ITGA2: variants seen among roughly 807,000 people sequenced by gnomAD.
The protein encoded by ITGA2 is integrin subunit alpha 2, also known as integrin alpha-2.
Under a neutral mutation model 146.3 loss-of-function variants are expected in ITGA2, and 101 were observed. The observed-to-expected ratio is 0.69, with a 90% CI of 0.59 to 0.81. The LOEUF is 0.81. Ranked by LOEUF, ITGA2 falls within the 40% of genes least tolerant of loss-of-function variation. The probability of loss-of-function intolerance (pLI) is 0.00; values close to 1 mark genes in which losing one functional copy is unlikely to be tolerated. For synonymous variants in ITGA2, 477 were observed against 487.1 expected, an observed-to-expected ratio of 0.98 and a Z score of 0.27; for missense variants, 1,281 against 1,402.7, an observed-to-expected ratio of 0.91 and a Z score of 1.39.
intron 1 of ITGA2, among the ~76,000 whole-genome samples, chr5:52,999,301 A>G (rs926131225): frequency 6.6e-6 from 1 of 152,248 alleles, no homozygotes; most frequent in Non-Finnish European, 1.5e-5. Context: ...AAAAATCAAA[A>G]TTCAAATACA....
intron 6 of ITGA2, among the ~76,000 whole-genome samples, chr5:53,050,857 GTGT>G (rs1034598331): frequency 7.9e-5 from 12 of 152,288 alleles, no homozygotes; most frequent in Admixed American, 7.8e-4. Flanking sequence ...CTTCTTTCCA[GTGT>G]TGTTGAAGCC....
rs1437160437 is a variant in ITGA2 at position 53,090,666 on chromosome 5, G to C, written c.*67G>C. 7.5e-6 allele frequency: 9 copies of C among 1,197,388 alleles called. No individual in the cohort carries two copies. In the Admixed American group the frequency reaches 1.6e-4, roughly 21 times the overall value. The allele number at this position is 1,197,388 out of a possible 1,614,324, so 74.2% of individuals were successfully genotyped here. On this transcript the variant is annotated 3_prime_UTR_variant, in exon 30 of 30. Transcript: ENST00000296585. ...CCAGGGTTTGCTGTTTGCGTGAATGGATTTCTTTTTAAATCCCATATTTTT... is the reference window on the plus strand; with the variant it reads ...CCAGGGTTTGCTGTTTGCGTGAATGCATTTCTTTTTAAATCCCATATTTTT...
rs149019464 is a variant in ITGA2, at chr5:53,044,777, C to T, written c.296-224C>T. Among the ~76,000 whole-genome samples the T allele has an allele frequency of 1.6e-3, 249 of 152,228 alleles. 1 individual carries two copies. Among genetic ancestry groups the T allele is most frequent in the African/African-American group, 5.4e-3 (226 of 41,528 alleles). On this transcript the variant is annotated intron_variant, in intron 3 of 29. Transcript: ENST00000296585. Reference sequence around the variant, plus strand: ...TATAAGTCATACCCTCTCCAGAGCCCACTCCTTACTGTCTTATGCTCTGCA... The same window carrying T: ...TATAAGTCATACCCTCTCCAGAGCCTACTCCTTACTGTCTTATGCTCTGCA...
At chr5:52,990,856 C>T (rs764350171) in intron 1 of ITGA2, among the ~76,000 whole-genome samples, 4 of 152,088 alleles carry the variant, frequency 2.6e-5, no homozygotes, top group Non-Finnish European at 5.9e-5. Context: ...CCCTAATCTA[C>T]GGATTTCAGG....
chr5:52,991,469 T>A (rs1057167665), intron 1 of ITGA2, among the ~76,000 whole-genome samples: 2 of 152,078 alleles, frequency 1.3e-5, no homozygotes, highest in African/African-American at 4.8e-5. Context: ...TACAATTGCA[T>A]CATATCACAT....
chr5:53,080,685 G>A, intron 25 of ITGA2, 64 bp downstream of exon 25: 1 of 1,172,620 alleles, frequency 8.5e-7, no homozygotes, highest in Non-Finnish European at 1.3e-6. Flanking sequence ...ATGAGATTAG[G>A]GTGATCATGT....
At chr5:53,005,228 G>A (rs898072770) in intron 1 of ITGA2, among the ~76,000 whole-genome samples, 1 of 151,916 alleles carries the variant, frequency 6.6e-6, no homozygotes, top group Non-Finnish European at 1.5e-5. Flanking sequence ...TGTGCTTCTC[G>A]TGTGTGTCAG....
intron 23 of ITGA2, 108 bp from the exon 24 acceptor site, chr5:53,078,658 CTAAAAG>C: frequency 1.5e-6 from 1 of 689,402 alleles, no homozygotes; most frequent in Admixed American, 2.3e-5. Flanking sequence ...GCTTTTGTAA[CTAAAAG>C]TAAAATTTAC....
chr5:53,077,397 G>A (rs1234676612), intron 23 of ITGA2, among the ~76,000 whole-genome samples: 1 of 151,934 alleles, frequency 6.6e-6, no homozygotes, highest in East Asian at 1.9e-4. Flanking sequence ...AAAATGATGG[G>A]TAGAAATAGC....
chr5:53,065,222 T>C, intron 14 of ITGA2, 107 bp downstream of exon 14: 1 of 1,110,716 alleles, frequency 9.0e-7, no homozygotes, highest in Non-Finnish European at 1.4e-6. Context: ...TTTTGTAACT[T>C]CATTCTTTCA....
At chr5:52,990,308 C>T (rs1740875659) in intron 1 of ITGA2, 1 of 152,602 alleles carries the variant, frequency 6.6e-6, no homozygotes, top group African/African-American at 2.4e-5. Context: ...GCCGCTCTAA[C>T]TGTAGTGCTG....
intron 16 of ITGA2, among the ~76,000 whole-genome samples, 200 bp downstream of exon 16, chr5:53,067,457 A>G (rs1041844965): frequency 3.3e-5 from 5 of 151,844 alleles, no homozygotes; most frequent in Non-Finnish European, 7.4e-5. Context: ...ACATCTCTAG[A>G]AGGTTCTGCT....
chr5:53,045,225 G>A (rs1744017055), intron 4 of ITGA2, 133 bp downstream of exon 4: 1 of 743,098 alleles, frequency 1.3e-6, no homozygotes, highest in Non-Finnish European at 2.4e-6. Flanking sequence ...CTATTTATTT[G>A]GCTATCCAAT....
At chr5:53,006,612 C>T (rs1372473830) in intron 1 of ITGA2, among the ~76,000 whole-genome samples, 1 of 152,024 alleles carries the variant, frequency 6.6e-6, no homozygotes, top group African/African-American at 2.4e-5. Flanking sequence ...ATTATTGAAC[C>T]ACGACCATGT....
At chr5:53,074,306 C>T (rs1745548061) in intron 20 of ITGA2, 79 bp from the exon 21 acceptor site, 1 of 1,086,162 alleles carries the variant, frequency 9.2e-7, no homozygotes, top group East Asian at 2.4e-5. Context: ...TGCCACTGTA[C>T]CTCTTTTACC....
At chr5:53,008,543 A>G (rs183699963) in intron 1 of ITGA2, among the ~76,000 whole-genome samples, 1 of 152,152 alleles carries the variant, frequency 6.6e-6, no homozygotes, top group East Asian at 1.9e-4. Context: ...TTTGATATGA[A>G]CACAAAGTAA....
At chr5:53,050,938 T>A (rs1744330160) in intron 6 of ITGA2, among the ~76,000 whole-genome samples, 1 of 152,160 alleles carries the variant, frequency 6.6e-6, no homozygotes, top group South Asian at 2.1e-4. Context: ...GCACATTGGT[T>A]TTTGTTGTAT....
chr5:53,029,453 G>T (rs1302635921), intron 2 of ITGA2, among the ~76,000 whole-genome samples: 1 of 152,104 alleles, frequency 6.6e-6, no homozygotes, highest in Non-Finnish European at 1.5e-5. Context: ...CTGTTGCAAA[G>T]CTTTTGCAAA....
intron 20 of ITGA2, 116 bp from the exon 21 acceptor site, chr5:53,074,269 C>A: frequency 1.3e-6 from 1 of 777,034 alleles, no homozygotes; most frequent in Non-Finnish European, 2.3e-6. Context: ...TAAATTATTT[C>A]AGTATGAACC....
Sources: gnomAD v4.1 joint callset for allele counts (sites outside exome capture counted in the v4.1 genomes callset) on GRCh38, gnomAD v4.1.1 for gene constraint, MANE v1.5 for transcripts, NCBI Gene and HGNC (gene_info 2026-07-23, HGNC 2026-07-21) for gene names.